Variants in ANK3 observed in about 807,000 individuals in gnomAD.
ANK3 encodes the protein ankyrin 3.
ANK3 carries 57 observed loss-of-function variants against 370.9 expected under a neutral mutation model. That is an observed-to-expected ratio of 0.15 (90% CI 0.12 to 0.19). The LOEUF is 0.19. ANK3 is among the 10% of genes least tolerant of loss of function. The pLI, the probability that ANK3 is intolerant of heterozygous loss-of-function variation, is 1.00. For synonymous variants in ANK3, 1,929 were observed against 1,946.3 expected, an observed-to-expected ratio of 0.99 and a Z score of 0.23; for missense variants, 4,439 against 5,302.1, an observed-to-expected ratio of 0.84 and a Z score of 5.06.
chr10:60,688,730 C>T (rs987269379), intron 1 of ANK3, among the ~76,000 whole-genome samples: 8 of 152,016 alleles, frequency 5.3e-5, no homozygotes, highest in South Asian at 2.1e-4. Flanking sequence ...GGGCGGATCA[C>T]GAGGTCAGGA....
At chr10:60,213,573 T>A in intron 8 of ANK3, 63 bp from the exon 9 acceptor site, 1 of 1,069,848 alleles carries the variant, frequency 9.3e-7, no homozygotes, top group South Asian at 1.8e-5. Context: ...TGCAGTGTAC[T>A]TCTTCAAGAT....
intron 1 of ANK3, among the ~76,000 whole-genome samples, chr10:60,379,827 A>G (rs1171962237): frequency 1.3e-5 from 2 of 152,122 alleles, no homozygotes; most frequent in Non-Finnish European, 2.9e-5. Flanking sequence ...TACAGTTAAT[A>G]ATATATAGTT....
rs1589093987 is a variant in ANK3, at chr10:60,733,441, A to G, written c.-122T>C. 7.2e-5 allele frequency: 65 copies of G among 901,798 alleles called. No homozygotes were observed. The East Asian group carries it at 2.1e-3, about 30-fold the overall frequency. The allele number at this position is 901,798 out of a possible 1,614,324, so 55.9% of individuals were successfully genotyped here. A position where few individuals can be genotyped will look rare whatever the true frequency, so the allele number is the denominator to read the frequency against. On this transcript the variant is annotated 5_prime_UTR_variant, in exon 1 of 44. Coordinates refer to the ANK3 transcript ENST00000373827. ...GTTCGGCCGCGGCTCAGGAACACCA[A>G]GCGCGGCCCCGCGACGCCCGCCCAG...
chr10:60,112,914 T>C (rs1450115143), intron 26 of ANK3, among the ~76,000 whole-genome samples: 1 of 152,250 alleles, frequency 6.6e-6, no homozygotes, highest in Non-Finnish European at 1.5e-5. Context: ...AATTAACTTA[T>C]GGCCTAAATG....
intron 1 of ANK3, among the ~76,000 whole-genome samples, chr10:60,724,512 C>T (rs1173941992): frequency 6.6e-6 from 1 of 152,032 alleles, no homozygotes; most frequent in Non-Finnish European, 1.5e-5. Context: ...TACTGAGCAC[C>T]TTCTAAATCC....
chr10:60,691,528 C>G (rs367835245), intron 1 of ANK3, among the ~76,000 whole-genome samples: 1 of 152,094 alleles, frequency 6.6e-6, no homozygotes, highest in Non-Finnish European at 1.5e-5. Context: ...CCACTTTTCA[C>G]TTACTTAAAC....
At position 60,070,823 on chromosome 10, in the gene ANK3, T is replaced by C. The variant is rs928819495; in HGVS notation, c.10058A>G (p.Lys3353Arg). 1 of 1,614,008 alleles carries C rather than the reference T, an allele frequency of 6.2e-7. No homozygotes were observed. The highest frequency in any genetic ancestry group is 1.3e-5 in the African/African-American group (1 of 74,910). Reference sequence around the variant, plus strand: ...TTCCAGTTCTTTCTGGTTGGAAGCCTTTTCAGCAGAAGCTTTGGGTTTTTC... The same window carrying C: ...TTCCAGTTCTTTCTGGTTGGAAGCCCTTTCAGCAGAAGCTTTGGGTTTTTC... Reference protein sequence around the residue: ...QKEKPKASAEKASNQKELESN... With the variant: ...QKEKPKASAERASNQKELESN... Residue 3353 changes from lysine (K) to arginine (R), a missense_variant, in exon 37 of 44, where the codon AAG becomes AGG. Physicochemically the swap from Lys to Arg is conservative, Grantham distance 26. Transcript: ENST00000280772. The surrounding 1 kb of genome is among the most constrained non-coding windows in gnomAD (Gnocchi z 5.7).
At chr10:60,525,417 A>G (rs577651080) in intron 2 of ANK3, among the ~76,000 whole-genome samples, 1 of 152,142 alleles carries the variant, frequency 6.6e-6, no homozygotes, top group Non-Finnish European at 1.5e-5. Context: ...TGTTTCAATA[A>G]TATATAAAAT....
At chr10:60,375,225 G>A (rs1361817360) in intron 1 of ANK3, among the ~76,000 whole-genome samples, 1 of 152,166 alleles carries the variant, frequency 6.6e-6, no homozygotes, top group Non-Finnish European at 1.5e-5. Flanking sequence ...ACGAGTACTA[G>A]GGGCACAACA....
At chr10:60,596,707 C>T (rs976785712) in intron 2 of ANK3, among the ~76,000 whole-genome samples, 1 of 152,050 alleles carries the variant, frequency 6.6e-6, no homozygotes, top group Admixed American at 6.6e-5. Flanking sequence ...AAGAAGACTA[C>T]TTAAATCAAA....
At chr10:60,195,406 A>AT (rs987770725) in intron 16 of ANK3, among the ~76,000 whole-genome samples, 4 of 151,278 alleles carry the variant, frequency 2.6e-5, no homozygotes, top group East Asian at 1.9e-4. Flanking sequence ...AAAAAAAAAA[A>AT]GGAGAAGGAT....
chr10:60,256,330 G>C (rs2097734585), intron 7 of ANK3, among the ~76,000 whole-genome samples: 1 of 152,122 alleles, frequency 6.6e-6, no homozygotes, highest in Admixed American at 6.5e-5. Context: ...GAACCTTCAG[G>C]TCCAGCTTAT....
intron 27 of ANK3, 147 bp downstream of exon 27, chr10:60,108,682 AG>A: frequency 1.5e-6 from 1 of 677,870 alleles, no homozygotes; most frequent in East Asian, 2.7e-5. Context: ...AGAATCACAC[AG>A]CTTTGTGACC....
At chr10:60,726,668 A>G (rs1175320913) in intron 1 of ANK3, among the ~76,000 whole-genome samples, 3 of 152,068 alleles carry the variant, frequency 2.0e-5, no homozygotes, top group Non-Finnish European at 2.9e-5. Flanking sequence ...TTTGCTGTAA[A>G]TGGGTACTTC....
At chr10:60,041,735 G>A (rs773937894) in intron 43 of ANK3, among the ~76,000 whole-genome samples, 1 of 152,186 alleles carries the variant, frequency 6.6e-6, no homozygotes, top group Non-Finnish European at 1.5e-5. Context: ...CAAATGATAA[G>A]GCTTGCGGGG....
At chr10:60,040,690 C>T (rs1287242349) in intron 43 of ANK3, among the ~76,000 whole-genome samples, 5 of 152,162 alleles carry the variant, frequency 3.3e-5, no homozygotes, top group African/African-American at 1.2e-4. Context: ...GGAAGCATAG[C>T]ACTGTCATAT....
chr10:60,547,089 C>CTT (rs5785455), intron 2 of ANK3, among the ~76,000 whole-genome samples: 2,135 of 120,686 alleles, frequency 0.018, 85 homozygotes, highest in African/African-American at 0.04. Context: ...CAATGCAACT[C>CTT]TTTTTTTTTT....
chr10:60,115,133 G>C (rs73261124), intron 25 of ANK3, among the ~76,000 whole-genome samples: 1 of 152,028 alleles, frequency 6.6e-6, no homozygotes, highest in Non-Finnish European at 1.5e-5. Context: ...GAGATTTTTG[G>C]CAGTAATGAG....
chr10:60,085,610 C>CTTTTTTTTTTTTTTTTTTTTTTTTT (rs10601268), intron 30 of ANK3, among the ~76,000 whole-genome samples: 1 of 109,922 alleles, frequency 9.1e-6, no homozygotes, highest in Non-Finnish European at 1.8e-5. Flanking sequence ...GTCTCTTACT[C>CTTTTTTTTTTTTTTTTTTTTTTTTT]TTTTTTTTTT....
Sources: allele counts gnomAD v4.1 joint callset (sites outside exome capture counted in the v4.1 genomes callset), GRCh38; gene constraint gnomAD v4.1.1; non-coding constraint Gnocchi (gnomAD v3.1); transcripts MANE v1.5; gene names NCBI Gene and HGNC (gene_info 2026-07-23, HGNC 2026-07-21).